C6orf89: variants seen among roughly 807,000 people sequenced by gnomAD.
The protein encoded by C6orf89 is chromosome 6 open reading frame 89.
In C6orf89, 29 loss-of-function variants were observed where a neutral mutation model predicts 40.7. The ratio of observed to expected loss-of-function variants is 0.71; its 90% CI spans 0.53 to 0.97. C6orf89 has a LOEUF of 0.97. Among genes scored for constraint, C6orf89 ranks in the 50% least tolerant of loss-of-function variants. C6orf89 has a pLI of 0.00. For synonymous variants in C6orf89, 165 were observed against 152.2 expected (o/e 1.08, Z -0.62); for missense variants, 392 against 429.1 (o/e 0.91, Z 0.76).
intron 4 of C6orf89, among the ~76,000 whole-genome samples, chr6:36,908,960 A>G (rs1583183859): frequency 6.6e-6 from 1 of 152,170 alleles, no homozygotes; most frequent in Admixed American, 6.5e-5. Flanking sequence ...TTCTAAGGAC[A>G]TCATTCAGAT....
At chr6:36,886,746 G>C (rs369233227) in intron 1 of C6orf89, among the ~76,000 whole-genome samples, 8 of 152,256 alleles carry the variant, frequency 5.3e-5, no homozygotes, top group East Asian at 3.9e-4. Context: ...TGACTTTTCT[G>C]ATGGCTCATT....
rs948097306 is a variant in C6orf89 at position 36,927,026 on chromosome 6, A to T, written c.*3585A>T. ...ATCTAACCATATGACTTTTATAAAAATCCTTTCACTTTTCCCCTCCCCATT... is the reference window on the plus strand; with the variant it reads ...ATCTAACCATATGACTTTTATAAAATTCCTTTCACTTTTCCCCTCCCCATT... On this transcript the variant is annotated 3_prime_UTR_variant, in exon 9 of 9. Coordinates refer to ENST00000480824, the MANE Select transcript of C6orf89 (RefSeq NM_001286635.2). 4 of 152,226 alleles carry T rather than the reference A, an allele frequency of 2.6e-5. No homozygotes were observed. The allele number at this position is 152,226 out of a possible 1,614,324, so 9.4% of individuals were successfully genotyped here.
intron 8 of C6orf89, among the ~76,000 whole-genome samples, chr6:36,919,976 A>G (rs1466191797): frequency 6.6e-6 from 1 of 152,212 alleles, no homozygotes; most frequent in Non-Finnish European, 1.5e-5. Context: ...GAAAATATTT[A>G]GACCAATCCC....
intron 4 of C6orf89, among the ~76,000 whole-genome samples, chr6:36,913,728 T>C (rs1403008924): frequency 6.6e-5 from 10 of 152,230 alleles, no homozygotes; most frequent in Admixed American, 6.5e-4. Context: ...TTAAAAGATA[T>C]TTTCCACAAA....
rs142394248 is a variant in C6orf89 at position 36,889,109 on chromosome 6, A to G, written c.-120+3081A>G. Among the ~76,000 whole-genome samples, 593 of 152,294 alleles carry G rather than the reference A, an allele frequency of 3.9e-3. 4 individuals are homozygous for G. The highest frequency in any genetic ancestry group is 0.014 in the African/African-American group (561 of 41,544). ...GGTCAAAGTGTTGGAGGGAATAAGA[A>G]GGTCAAGGATAACTGGTGGATACCA... On this transcript the variant is annotated intron_variant, in intron 1 of 8. Transcript: ENST00000480824.
intron 7 of C6orf89, among the ~76,000 whole-genome samples, chr6:36,917,861 G>T (rs745668103): frequency 2.0e-5 from 3 of 152,122 alleles, no homozygotes; most frequent in Non-Finnish European, 4.4e-5. Context: ...TTTCTCCAGC[G>T]TGTGCAACAC....
intron 1 of C6orf89, chr6:36,874,985 T>C: frequency 1.8e-6 from 1 of 565,494 alleles, no homozygotes. Flanking sequence ...CAGAGGAAAA[T>C]GCAAACTTCA....
chr6:36,901,315 A>AT (rs1561865427), intron 3 of C6orf89, among the ~76,000 whole-genome samples: 32 of 29,278 alleles, frequency 1.1e-3, no homozygotes, highest in Non-Finnish European at 2.2e-3. Flanking sequence ...TATTATTATT[A>AT]TTATTATTTT....
intron 1 of C6orf89, among the ~76,000 whole-genome samples, chr6:36,878,500 G>A (rs1774719775): frequency 6.6e-6 from 1 of 152,204 alleles, no homozygotes; most frequent in South Asian, 2.1e-4. Flanking sequence ...GTATGAGGAT[G>A]TTATGGGGCT....
chr6:36,898,349 G>A (rs867835086), intron 2 of C6orf89, among the ~76,000 whole-genome samples: 14 of 149,252 alleles, frequency 9.4e-5, no homozygotes, highest in South Asian at 6.3e-4. Flanking sequence ...GCGTGATCTC[G>A]GCTCACCACA....
At chr6:36,914,740 A>G (rs368483341) in intron 6 of C6orf89, 47 bp downstream of exon 6, 2 of 1,596,812 alleles carry the variant, frequency 1.3e-6, no homozygotes, top group African/African-American at 2.7e-5. Flanking sequence ...CTGTGATCCC[A>G]GCACTTTGGG....
chr6:36,894,910 T>C (rs553824095), intron 2 of C6orf89, among the ~76,000 whole-genome samples: 1 of 152,314 alleles, frequency 6.6e-6, no homozygotes, highest in East Asian at 1.9e-4. Flanking sequence ...CTCTAAAATT[T>C]GTAGTCCAAT....
chr6:36,902,117 G>C (rs1002795012), intron 3 of C6orf89, 104 bp from the exon 4 acceptor site: 1 of 918,342 alleles, frequency 1.1e-6, no homozygotes, highest in Admixed American at 2.2e-5. Flanking sequence ...TAGTTCTTAA[G>C]GCACATTGGA....
rs147199453 is a variant in C6orf89, at chr6:36,912,980, C to T, written c.404-1304C>T. On this transcript the variant is annotated intron_variant, in intron 4 of 8. Transcript: ENST00000480824. Reference sequence around the variant, plus strand: ...CATTTGGTTGTCTGTTATCATTTGTCGTAGGCTCTCTCCTGATTTGGTTTC... The same window carrying T: ...CATTTGGTTGTCTGTTATCATTTGTTGTAGGCTCTCTCCTGATTTGGTTTC... 3.6e-3 allele frequency among the ~76,000 whole-genome samples: 552 copies of T among 152,330 alleles called. 1 individual carries two copies. The highest frequency in any genetic ancestry group is 6.0e-3 in the Non-Finnish European group (408 of 68,024).
intron 4 of C6orf89, among the ~76,000 whole-genome samples, chr6:36,903,860 T>TA (rs1033386712): frequency 1.3e-5 from 2 of 151,996 alleles, no homozygotes; most frequent in East Asian, 1.9e-4. Context: ...TGTTTTTTTT[T>TA]AAAAAATCAA....
chr6:36,894,110 G>A (rs373576730), intron 1 of C6orf89, among the ~76,000 whole-genome samples: 129 of 151,606 alleles, frequency 8.5e-4, no homozygotes, highest in African/African-American at 2.9e-3. Context: ...AAATAATGAT[G>A]ATTAATCCTG....
intron 1 of C6orf89, among the ~76,000 whole-genome samples, chr6:36,873,067 C>G (rs1271302221): frequency 6.6e-6 from 1 of 152,248 alleles, no homozygotes; most frequent in Non-Finnish European, 1.5e-5. Context: ...CCATTCAACA[C>G]AGATTGACAG....
intron 1 of C6orf89, among the ~76,000 whole-genome samples, chr6:36,886,625 C>G (rs1775000672): frequency 6.6e-6 from 1 of 152,194 alleles, no homozygotes; most frequent in South Asian, 2.1e-4. Flanking sequence ...GCAGGCCACA[C>G]TTTCTAGTCT....
chr6:36,897,129 C>CAAAAAAAAAAA (rs34191608), intron 2 of C6orf89, among the ~76,000 whole-genome samples: 4 of 85,392 alleles, frequency 4.7e-5, no homozygotes, highest in African/African-American at 9.2e-5. Flanking sequence ...GACTCTGTCT[C>CAAAAAAAAAAA]AAAAAAAAAA....
Sources: allele counts gnomAD v4.1 joint callset (sites outside exome capture counted in the v4.1 genomes callset), GRCh38; gene constraint gnomAD v4.1.1; transcripts MANE v1.5; gene names NCBI Gene and HGNC (gene_info 2026-07-23, HGNC 2026-07-21).